Variants in CNTN4 observed in about 807,000 individuals in gnomAD.
The protein encoded by CNTN4 is contactin 4.
In CNTN4, 77 loss-of-function variants were observed where a neutral mutation model predicts 122.5. The observed-to-expected ratio is 0.63, with a 90% CI of 0.52 to 0.76. The LOEUF is 0.76. Among genes scored for constraint, CNTN4 ranks in the 30% least tolerant of loss-of-function variants. The pLI is 0.00. For missense variants in CNTN4, 1,256 were observed against 1,259.1 expected (o/e 1.00, Z 0.04); for synonymous variants, 512 against 447.0 (o/e 1.15, Z -1.83).
At chr3:2,842,609 C>G (rs1478897848) in intron 7 of CNTN4, among the ~76,000 whole-genome samples, 2 of 152,188 alleles carry the variant, frequency 1.3e-5, no homozygotes, top group African/African-American at 4.8e-5. Flanking sequence ...CTTTCACGGA[C>G]TCTTACCCTC....
chr3:2,786,703 G>A (rs73121185), intron 6 of CNTN4, among the ~76,000 whole-genome samples: 8,634 of 152,188 alleles, frequency 0.057, 282 homozygotes, highest in Non-Finnish European at 0.07. Flanking sequence ...TTTTTAAAAA[G>A]CTTCTACTGG....
intron 7 of CNTN4, among the ~76,000 whole-genome samples, chr3:2,840,433 G>C (rs62234217): frequency 6.6e-6 from 1 of 151,220 alleles, no homozygotes; most frequent in Non-Finnish European, 1.5e-5. Flanking sequence ...CGGCGCGGTG[G>C]CTCACGCCTG....
intron 7 of CNTN4, among the ~76,000 whole-genome samples, chr3:2,860,742 T>A (rs1023085738): frequency 1.4e-5 from 2 of 144,702 alleles, no homozygotes; most frequent in Non-Finnish European, 3.1e-5. Context: ...TTAGTATAAT[T>A]AAAATGTCAT....
chr3:2,560,967 CAT>C (rs1409871152), intron 3 of CNTN4, among the ~76,000 whole-genome samples: 1 of 152,120 alleles, frequency 6.6e-6, no homozygotes, highest in African/African-American at 2.4e-5. Flanking sequence ...ATTAAGCAGA[CAT>C]AGACTCCCTT....
Position 2,709,813 on chromosome 3 carries a change from C to T in CNTN4, c.56-26402C>T, listed in dbSNP as rs1371449040. 1.3e-5 allele frequency among the ~76,000 whole-genome samples: 2 copies of T among 152,008 alleles called. No individual in the cohort carries two copies. Among genetic ancestry groups the T allele is most frequent in the Admixed American group, 6.6e-5 (1 of 15,252 alleles). On this transcript the variant is annotated intron_variant, in intron 4 of 24. Transcript: ENST00000418658. The surrounding 1 kb of genome is among the most constrained non-coding windows in gnomAD (Gnocchi z 5.0). ...CCTGTAGTCCCAGCTACTTGGGAGGCTGAGCCAGGAGAGCCCGGGAGTCCA... is the reference window on the plus strand; with the variant it reads ...CCTGTAGTCCCAGCTACTTGGGAGGTTGAGCCAGGAGAGCCCGGGAGTCCA...
chr3:2,915,148 C>A (rs568839286), intron 12 of CNTN4, among the ~76,000 whole-genome samples: 6 of 152,224 alleles, frequency 3.9e-5, no homozygotes, highest in Non-Finnish European at 7.3e-5. Context: ...TCACTGCAAC[C>A]TCCACCTCCC....
intron 3 of CNTN4, among the ~76,000 whole-genome samples, chr3:2,551,070 C>T (rs1309900470): frequency 1.3e-5 from 2 of 151,850 alleles, no homozygotes; most frequent in African/African-American, 4.8e-5. Flanking sequence ...CCTGCACGTT[C>T]TGCACATGTA....
Position 2,688,014 on chromosome 3 carries a change from T to C in CNTN4, c.56-48201T>C, listed in dbSNP as rs148307445. On this transcript the variant is annotated intron_variant, in intron 4 of 24. Transcript: ENST00000418658. Reference sequence around the variant, plus strand: ...TTAACATAGGTACTGACTGGTATATTTGCTCTCAATTGAACAGAAAAGTTG... The same window carrying C: ...TTAACATAGGTACTGACTGGTATATCTGCTCTCAATTGAACAGAAAAGTTG... 5.0e-3 allele frequency among the ~76,000 whole-genome samples: 761 copies of C among 152,188 alleles called. 8 individuals carry two copies. The highest frequency in any genetic ancestry group is 0.017 in the African/African-American group (704 of 41,520).
intron 6 of CNTN4, among the ~76,000 whole-genome samples, chr3:2,760,444 T>C (rs906151569): frequency 3.3e-5 from 5 of 152,172 alleles, no homozygotes; most frequent in African/African-American, 2.4e-5. Flanking sequence ...GAAAAGATGG[T>C]TCTTTCTCTC....
At chr3:2,854,032 C>T (rs114219290) in intron 7 of CNTN4, among the ~76,000 whole-genome samples, 476 of 152,284 alleles carry the variant, frequency 3.1e-3, no homozygotes, top group Admixed American at 8.4e-3. Flanking sequence ...GTCCTCTTCA[C>T]TGCACCTCAA....
intron 3 of CNTN4, among the ~76,000 whole-genome samples, chr3:2,472,736 TC>T (rs2075723512): frequency 6.6e-6 from 1 of 152,102 alleles, no homozygotes. Flanking sequence ...ATGCAAGATT[TC>T]TCCCAGAAAA....
intron 4 of CNTN4, among the ~76,000 whole-genome samples, chr3:2,661,807 C>G (rs1394171438): frequency 1.2e-5 from 1 of 80,620 alleles, no homozygotes; most frequent in East Asian, 3.5e-4. Flanking sequence ...AAAATTCCAT[C>G]TCAAAAAAAA....
chr3:2,953,143 C>G (rs1016395446), intron 13 of CNTN4, among the ~76,000 whole-genome samples: 1 of 152,174 alleles, frequency 6.6e-6, no homozygotes, highest in Admixed American at 6.5e-5. Context: ...ATCTCAAACT[C>G]AGCACATTTG....
chr3:2,494,360 G>A (rs1174779380), intron 3 of CNTN4, among the ~76,000 whole-genome samples: 1 of 152,172 alleles, frequency 6.6e-6, no homozygotes, highest in African/African-American at 2.4e-5. Flanking sequence ...GTGGCAGGGG[G>A]CTTACAGGTA....
At position 2,260,797 on chromosome 3, in the gene CNTN4, G is replaced by T. The variant is rs527901225; in HGVS notation, c.-144-78381G>T. Among the ~76,000 whole-genome samples the T allele has an allele frequency of 5.4e-5, 8 of 147,922 alleles. No individual in the cohort carries two copies. The South Asian group carries it at 1.7e-3, about 32-fold the overall frequency. ...GGCTGGAGTGCAGTGGTGTGATCTC[G>T]GCTCACTGTAACCTCTGCCTCCCAG... On this transcript the variant is annotated intron_variant, in intron 2 of 24. Transcript: ENST00000418658.
chr3:2,214,595 A>C (rs2038759799), intron 2 of CNTN4, among the ~76,000 whole-genome samples: 1 of 152,212 alleles, frequency 6.6e-6, no homozygotes. Context: ...ATGAGTTGAC[A>C]TCACAGCATA....
intron 3 of CNTN4, among the ~76,000 whole-genome samples, chr3:2,376,324 C>G (rs534831801): frequency 2.9e-4 from 44 of 152,202 alleles, no homozygotes; most frequent in African/African-American, 1.0e-3. Context: ...TCTTGTTTAA[C>G]GTTCCTAGTA....
chr3:2,911,822 AAC>A (rs1559653485), intron 12 of CNTN4, among the ~76,000 whole-genome samples: 1 of 152,224 alleles, frequency 6.6e-6, no homozygotes. Context: ...GAGATTCAAC[AAC>A]AGGCTTGACC....
intron 2 of CNTN4, among the ~76,000 whole-genome samples, chr3:2,318,067 C>T (rs1427449516): frequency 6.6e-6 from 1 of 151,922 alleles, no homozygotes; most frequent in Non-Finnish European, 1.5e-5. Context: ...GTTTAAGACG[C>T]CGAGCTCTGT....
Sources: allele counts gnomAD v4.1 joint callset (sites outside exome capture counted in the v4.1 genomes callset), GRCh38; gene constraint gnomAD v4.1.1; non-coding constraint Gnocchi (gnomAD v3.1); transcripts MANE v1.5; gene names NCBI Gene and HGNC (gene_info 2026-07-23, HGNC 2026-07-21).